PPA2: variants seen among roughly 807,000 people sequenced by gnomAD.
PPA2 encodes inorganic pyrophosphatase 2, mitochondrial.
A neutral mutation model predicts 49.5 loss-of-function variants in PPA2; 48 were observed. The observed-to-expected ratio is 0.97, with a 90% CI of 0.77 to 1.23. The LOEUF is 1.23. Among genes scored for constraint, PPA2 ranks in the 50% most tolerant of loss-of-function variants. The pLI, the probability that PPA2 is intolerant of heterozygous loss-of-function variation, is 0.00. For missense variants in PPA2, 429 were observed against 410.1 expected, an observed-to-expected ratio of 1.05 and a Z score of -0.40; for synonymous variants, 131 against 139.9, an observed-to-expected ratio of 0.94 and a Z score of 0.45.
intron 1 of PPA2, among the ~76,000 whole-genome samples, chr4:105,473,078 G>C (rs931254597): frequency 1.3e-5 from 2 of 152,202 alleles, no homozygotes; most frequent in Non-Finnish European, 2.9e-5. Flanking sequence ...CCACTCCAAG[G>C]CTCTGCAGTC....
intron 1 of PPA2, among the ~76,000 whole-genome samples, chr4:105,472,767 C>T (rs1200023856): frequency 1.3e-5 from 2 of 152,172 alleles, no homozygotes; most frequent in African/African-American, 2.4e-5. Flanking sequence ...AATCCTCGAC[C>T]CTAAACTCAT....
intron 10 of PPA2, among the ~76,000 whole-genome samples, chr4:105,386,296 T>C (rs1418197892): frequency 2.0e-5 from 3 of 152,072 alleles, no homozygotes; most frequent in African/African-American, 7.2e-5. Context: ...ATATAAACAA[T>C]AATAAACGGA....
intron 10 of PPA2, among the ~76,000 whole-genome samples, chr4:105,377,840 A>G (rs1472352376): frequency 1.3e-5 from 2 of 152,050 alleles, no homozygotes; most frequent in East Asian, 3.8e-4. Flanking sequence ...TTTTTTTAAG[A>G]TTCAGCCATG....
Position 105,386,568 on chromosome 4 carries a change from G to C in PPA2, c.938C>G (p.Ser313Trp), listed in dbSNP as rs151331559. Reference sequence around the variant, plus strand: ...ATGTCTTGGATGTTTGCCCCTTACCGATTCAACTAATGATCTTGCTTCCTC... The same window carrying C: ...ATGTCTTGGATGTTTGCCCCTTACCCATTCAACTAATGATCTTGCTTCCTC... Reference protein sequence around the residue: ...TQEEARSLVESVSSSPNKESN... With the variant: ...TQEEARSLVEWVSSSPNKESN... The change falls in exon 10 of 12, where the codon TCG becomes TGG. Residue 313 changes from serine (S) to tryptophan (W), a missense_variant and splice_region_variant. Transcript: ENST00000341695. The C allele has an allele frequency of 3.7e-6, 6 of 1,609,142 alleles. No homozygotes were observed. In the African/African-American group the frequency reaches 5.3e-5, roughly 14 times the overall value.
At chr4:105,468,909 A>C in intron 1 of PPA2, among the ~76,000 whole-genome samples, 1 of 152,150 alleles carries the variant, frequency 6.6e-6, no homozygotes, top group Non-Finnish European at 1.5e-5. Context: ...TTATATCAAC[A>C]CACCCACAAC....
chr4:105,378,598 TC>T (rs1733352906), intron 10 of PPA2, among the ~76,000 whole-genome samples: 1 of 152,076 alleles, frequency 6.6e-6, no homozygotes, highest in African/African-American at 2.4e-5. Context: ...TTTGATGAAG[TC>T]CTATTTATCA....
chr4:105,453,598 C>T lies in PPA2; in HGVS notation c.267G>A (p.Glu89=), dbSNP rs1191610321. The change falls in exon 3 of 12, where the codon GAG becomes GAA. Residue 89 remains glutamate (E), a splice_region_variant and synonymous_variant. Transcript: ENST00000341695. Reference sequence around the variant, plus strand: ...CAAAAATAAAAACCTTTGGATATACCTCATATTCATCATTTCGTGCTTTCT... The same window carrying T: ...CAAAAATAAAAACCTTTGGATATACTTCATATTCATCATTTCGTGCTTTCT... ...PMKKARNDEY[E]NLFNMIVEIP... is the part of the protein sequence containing the mutation. 1.9e-6 allele frequency: 3 copies of T among 1,601,146 alleles called. No homozygotes were observed. Among genetic ancestry groups the T allele is most frequent in the Non-Finnish European group, 2.6e-6 (3 of 1,172,422 alleles).
chr4:105,473,826 T>G, intron 1 of PPA2, 68 bp downstream of exon 1: 1 of 1,542,038 alleles, frequency 6.5e-7, no homozygotes, highest in Non-Finnish European at 8.8e-7. Context: ...GTCCCAAGTG[T>G]CCCCCATTCC....
chr4:105,394,956 T>G (rs188722949), intron 9 of PPA2, among the ~76,000 whole-genome samples: 27 of 152,238 alleles, frequency 1.8e-4, no homozygotes, highest in African/African-American at 6.0e-4. Context: ...CCACAAAGAA[T>G]AGCTCACTCT....
At chr4:105,374,006 A>C (rs1334715755) in intron 10 of PPA2, among the ~76,000 whole-genome samples, 1 of 152,192 alleles carries the variant, frequency 6.6e-6, no homozygotes, top group African/African-American at 2.4e-5. Flanking sequence ...TTACTTACAG[A>C]AAATGGAACA....
At chr4:105,391,296 T>C (rs1263090480) in intron 9 of PPA2, among the ~76,000 whole-genome samples, 3 of 132,630 alleles carry the variant, frequency 2.3e-5, no homozygotes, top group Non-Finnish European at 4.6e-5. Flanking sequence ...TGTACACCTA[T>C]GTAACAAACC....
chr4:105,428,469 GAC>G (rs1723631706), intron 6 of PPA2, among the ~76,000 whole-genome samples: 1 of 150,856 alleles, frequency 6.6e-6, no homozygotes. Context: ...CACGTGCAGA[GAC>G]ACAGATAGGC....
At chr4:105,422,874 T>G (rs749840657) in intron 7 of PPA2, among the ~76,000 whole-genome samples, 2 of 152,220 alleles carry the variant, frequency 1.3e-5, no homozygotes, top group Non-Finnish European at 2.9e-5. Context: ...CTCAGCTTTT[T>G]CAGTTTAAAG....
intron 10 of PPA2, among the ~76,000 whole-genome samples, chr4:105,371,538 C>A (rs1337288315): frequency 6.6e-6 from 1 of 152,126 alleles, no homozygotes; most frequent in Non-Finnish European, 1.5e-5. Context: ...CCCTCCCCAA[C>A]TATGACCCCT....
chr4:105,449,515 T>A, intron 3 of PPA2, 112 bp from the exon 4 acceptor site: 1 of 614,302 alleles, frequency 1.6e-6, no homozygotes, highest in Non-Finnish European at 2.8e-6. Context: ...AAAAAAATGT[T>A]GAGTCTCCAT....
chr4:105,439,888 C>T (rs1405193755), intron 5 of PPA2, among the ~76,000 whole-genome samples: 5 of 114,366 alleles, frequency 4.4e-5, no homozygotes, highest in Admixed American at 4.3e-4. Flanking sequence ...TTCCTGTGTG[C>T]GTGTTGTCAC....
chr4:105,384,375 C>T (rs1455780271), intron 10 of PPA2, among the ~76,000 whole-genome samples: 4 of 152,090 alleles, frequency 2.6e-5, no homozygotes, highest in Admixed American at 1.3e-4. Context: ...TAATCTTATT[C>T]CTCTAATCTA....
intron 9 of PPA2, 74 bp from the exon 10 acceptor site, chr4:105,386,710 A>G (rs769891449): frequency 5.7e-6 from 6 of 1,060,734 alleles, no homozygotes; most frequent in Non-Finnish European, 8.5e-6. Context: ...CCAAAAACTA[A>G]CTCCAAATAC....
intron 6 of PPA2, among the ~76,000 whole-genome samples, chr4:105,433,698 T>C (rs1179043937): frequency 6.6e-6 from 1 of 152,246 alleles, no homozygotes; most frequent in East Asian, 1.9e-4. Context: ...ATACTGTCTG[T>C]TCCTTTCCCA....
Sources: gnomAD v4.1 joint callset for allele counts (sites outside exome capture counted in the v4.1 genomes callset) on GRCh38, gnomAD v4.1.1 for gene constraint, MANE v1.5 for transcripts, NCBI Gene and HGNC (gene_info 2026-07-23, HGNC 2026-07-21) for gene names.